The following STAB1 variants were observed in gnomAD, a reference collection of about 807,000 sequenced individuals.
The protein encoded by STAB1 is stabilin 1.
A neutral mutation model predicts 332.4 loss-of-function variants in STAB1; 250 were observed. The ratio of observed to expected loss-of-function variants is 0.75; its 90% CI spans 0.68 to 0.84. The LOEUF (loss-of-function observed/expected upper bound fraction) is 0.84. Among genes scored for constraint, STAB1 ranks in the 40% least tolerant of loss-of-function variants. The pLI, the probability that STAB1 is intolerant of heterozygous loss-of-function variation, is 0.00. For synonymous variants in STAB1, 1,475 were observed against 1,390.4 expected (o/e 1.06, Z -1.35); for missense variants, 3,249 against 3,489.7 (o/e 0.93, Z 1.74).
At chr3:52,516,805 T>C in intron 41 of STAB1, 37 bp downstream of exon 41, 1 of 1,597,418 alleles carries the variant, frequency 6.3e-7, no homozygotes, top group South Asian at 1.1e-5. Context: ...CTCCCTGAAA[T>C]TTTGGGGTGG....
rs370361655 is a variant in STAB1 at position 52,505,940 on chromosome 3, C to G, written c.1749+4C>G. The G allele has an allele frequency of 3.1e-6, 5 of 1,613,434 alleles. No individual in the cohort carries two copies. Among genetic ancestry groups the G allele is most frequent in the East Asian group, 2.2e-5 (1 of 44,898 alleles). On this transcript the variant is annotated splice_donor_region_variant and intron_variant, in intron 16 of 68. Coordinates refer to ENST00000321725, the MANE Select transcript of STAB1 (RefSeq NM_015136.3). ...CCACATCTACAACCACGGCCAGGTG[C>G]GAGGTCTTTTTCTGGGGGGCGGCCA...
At chr3:52,512,158 TG>T (rs1362049668) in intron 26 of STAB1, among the ~76,000 whole-genome samples, 182 bp from the exon 27 acceptor site, 1 of 152,228 alleles carries the variant, frequency 6.6e-6, no homozygotes, top group Non-Finnish European at 1.5e-5. Flanking sequence ...TTGTGTCAAA[TG>T]CCCAGTGTCC....
Position 52,523,930 on chromosome 3 carries a change from CGCTGGAGCACTGCTTG to C in STAB1, c.7459_7474del (p.Gly2487TrpfsTer108), listed in dbSNP as rs757518406. 2 of 1,610,068 alleles carry C rather than the reference CGCTGGAGCACTGCTTG, an allele frequency of 1.2e-6. No homozygotes were observed. The highest frequency in any genetic ancestry group is 1.7e-6 in the Non-Finnish European group (2 of 1,179,886). Reference sequence around the variant, plus strand: ...CGGCAGGCGTGGGGGCTGTGCTTGCCGCTGGAGCACTGCTTGGCTTGGTGGCCGGAGCTCTCTACCT... The same window carrying C: ...CGGCAGGCGTGGGGGCTGTGCTTGCCGCTTGGTGGCCGGAGCTCTCTACCT... On this transcript the variant is annotated frameshift_variant, in exon 67 of 69. Coordinates refer to ENST00000321725, the MANE Select transcript of STAB1 (RefSeq NM_015136.3). LOFTEE classifies it high-confidence loss of function.
Position 52,524,168 on chromosome 3 carries a change from C to A in STAB1, c.7611C>A (p.Val2537=), listed in dbSNP as rs764876108. The A allele has an allele frequency of 2.5e-6, 4 of 1,613,974 alleles. No individual in the cohort carries two copies. In the Admixed American group the frequency reaches 6.7e-5, roughly 27 times the overall value. The change falls in exon 68 of 69, where the codon GTC becomes GTA. Residue 2537 remains valine (V), a synonymous_variant. Coordinates refer to ENST00000321725, the MANE Select transcript of STAB1 (RefSeq NM_015136.3). The part of the protein sequence containing the change: ...QEGTNPTLVS[V]PNPVFGSDTF... ...GGACCAACCCCACCCTGGTCTCTGT[C>A]CCCAACCCTGTCTTTGGCAGCGACA...
At position 52,509,989 on chromosome 3, in the gene STAB1, G is replaced by A. The variant is rs1421355412; in HGVS notation, c.2467G>A (p.Gly823Arg). Residue 823 changes from glycine (G) to arginine (R), a missense_variant, in exon 23 of 69, where the codon GGG (glycine) becomes AGG (arginine). Coordinates refer to ENST00000321725, the MANE Select transcript of STAB1 (RefSeq NM_015136.3). ...RFCNESMGDC[G>R]PTGLAQHCHL... is the part of the protein sequence containing the mutation. ...CTGCAACGAGTCCATGGGGGACTGTGGGCCCACAGGGCTGGCCCAGCACTG... is the reference window on the plus strand; with the variant it reads ...CTGCAACGAGTCCATGGGGGACTGTAGGCCCACAGGGCTGGCCCAGCACTG... 1.2e-6 allele frequency: 2 copies of A among 1,609,794 alleles called. No homozygotes were observed. The highest frequency in any genetic ancestry group is 3.3e-5 in the Admixed American group (2 of 59,822).
intron 65 of STAB1, 21 bp downstream of exon 65, chr3:52,523,597 A>G (rs774340396): frequency 1.2e-6 from 2 of 1,612,528 alleles, no homozygotes; most frequent in Admixed American, 3.3e-5. Context: ...CCACTGTCCC[A>G]CCCTGTTGGC....
intron 3 of STAB1, 113 bp downstream of exon 3, chr3:52,501,866 T>A: frequency 1.5e-6 from 2 of 1,360,042 alleles, no homozygotes; most frequent in Non-Finnish European, 1.0e-6. Context: ...TAATTAATAC[T>A]CACCGAGCGC....
chr3:52,517,133 G>A (rs1229453768), intron 42 of STAB1, 24 bp downstream of exon 42: 4 of 1,521,804 alleles, frequency 2.6e-6, no homozygotes, highest in South Asian at 1.3e-5. Flanking sequence ...CCTAACCTGG[G>A]TTTATGTTGG....
At chr3:52,516,266 G>GGGGGCCCC in intron 38 of STAB1, 28 bp downstream of exon 38, 1 of 794,426 alleles carries the variant, frequency 1.3e-6, no homozygotes, top group Non-Finnish European at 2.2e-6. Context: ...GCGGGGGTGG[G>GGGGGCCCC]CCTCCTGGCA....
chr3:52,503,945 G>A (rs775660304), intron 9 of STAB1, 43 bp downstream of exon 9: 1 of 1,612,632 alleles, frequency 6.2e-7, no homozygotes, highest in Admixed American at 1.7e-5. Flanking sequence ...GGTTGGGCAA[G>A]CGTGCCCTCT....
At position 52,512,841 on chromosome 3, in the gene STAB1, C is replaced by T. The variant is rs200672562; in HGVS notation, c.3041C>T (p.Thr1014Met). The T allele has an allele frequency of 5.0e-6, 8 of 1,609,162 alleles. No individual in the cohort carries two copies. The South Asian group carries it at 5.5e-5, about 11-fold the overall frequency. ...FYQWLKSAGITLPADRRVTAL... is the reference protein window; with the variant it reads ...FYQWLKSAGIMLPADRRVTAL... ...GTGTGCGTGCAGAGTGCCGGCATCACGCTTCCTGCCGACCGCCGAGTCACA... is the reference window on the plus strand; with the variant it reads ...GTGTGCGTGCAGAGTGCCGGCATCATGCTTCCTGCCGACCGCCGAGTCACA... The change falls in exon 29 of 69, where the codon ACG becomes ATG. Residue 1014 changes from threonine (T) to methionine (M), a missense_variant. Thr to Met is a moderately conservative substitution (Grantham distance 81). Transcript: ENST00000321725.
In STAB1 at chr3:52,512,363, G is replaced by T. The variant is rs1351169205; in HGVS notation, c.2906G>T (p.Gly969Val). 1.2e-6 allele frequency: 2 copies of T among 1,612,908 alleles called. No individual in the cohort carries two copies. Among genetic ancestry groups the T allele is most frequent in the Admixed American group, 1.7e-5 (1 of 59,806 alleles). The change falls in exon 27 of 69, where the codon GGA becomes GTA. Residue 969 changes from glycine (G) to valine (V), a missense_variant. Transcript: ENST00000321725. ...CAGGCCACCTGCCGGGCAGTGGGGGGAGGTCAGCGGGTCTGCACGTGCCCC... is the reference window on the plus strand; with the variant it reads ...CAGGCCACCTGCCGGGCAGTGGGGGTAGGTCAGCGGGTCTGCACGTGCCCC... ...HGLATCRAVG[G>V]GQRVCTCPPG...
chr3:52,512,358 G>A lies in STAB1; in HGVS notation c.2901G>A (p.Val967=), dbSNP rs766038223. The change falls in exon 27 of 69, where the codon GTG becomes GTA. Residue 967 remains valine (V), a synonymous_variant. Coordinates refer to ENST00000321725, the MANE Select transcript of STAB1 (RefSeq NM_015136.3). ...CACCCCAGGCCACCTGCCGGGCAGT[G>A]GGGGGAGGTCAGCGGGTCTGCACGT... is the stretch of plus-strand genomic sequence containing the variant. ...GCHGLATCRA[V]GGGQRVCTCP... 7 of 1,612,454 alleles carry A rather than the reference G, an allele frequency of 4.3e-6. No homozygotes were observed. Among genetic ancestry groups the A allele is most frequent in the African/African-American group, 2.7e-5 (2 of 74,880 alleles).
At chr3:52,504,004 G>A (rs375412409) in intron 9 of STAB1, 24 bp from the exon 10 acceptor site, 5 of 1,609,044 alleles carry the variant, frequency 3.1e-6, no homozygotes, top group Non-Finnish European at 4.2e-6. Flanking sequence ...CCTCCGCCCT[G>A]ACTGGCTCTC....
intron 27 of STAB1, 24 bp from the exon 28 acceptor site, chr3:52,512,572 C>T (rs1575334363): frequency 1.9e-5 from 31 of 1,613,920 alleles, no homozygotes; most frequent in Non-Finnish European, 2.5e-5. Context: ...GGTCCTGTGA[C>T]CTCAGACTTT....
At chr3:52,503,227 G>A (rs1708583229) in intron 7 of STAB1, 117 bp from the exon 8 acceptor site, 1 of 1,493,350 alleles carries the variant, frequency 6.7e-7, no homozygotes, top group Non-Finnish European at 9.1e-7. Context: ...TTCCTAAGGG[G>A]AGCCTATCCT....
Position 52,522,699 on chromosome 3 carries a change from C to T in STAB1, c.6744+11C>T. On this transcript the variant is annotated intron_variant, in intron 61 of 68. Transcript: ENST00000321725. The stretch of plus-strand genomic sequence containing the variant: ...TCTGCTGCCCAGCAGGTGTGTGGGG[C>T]CCAGAAGTTGGGGCCAAGTGTTGGG... The T allele has an allele frequency of 1.2e-6, 2 of 1,612,790 alleles. No individual in the cohort carries two copies. The highest frequency in any genetic ancestry group is 8.5e-7 in the Non-Finnish European group (1 of 1,179,952).
In STAB1 at chr3:52,503,049, G is replaced by T. The variant is rs529062376; in HGVS notation, c.634G>T (p.Ala212Ser). The change falls in exon 7 of 69, where the codon GCA becomes TCA. Residue 212 changes from alanine to serine, a missense_variant. Coordinates refer to ENST00000321725, the MANE Select transcript of STAB1 (RefSeq NM_015136.3). ...LRCPQNTQCS[A>S]EAPSCRCLPG... ...CTGTCCCCAGAACACCCAGTGCTCC[G>T]CAGAGGCTCCCAGCTGCAGGTGCCT... is the stretch of plus-strand genomic sequence containing the variant. 3 of 1,603,760 alleles carry T rather than the reference G, an allele frequency of 1.9e-6. No individual in the cohort carries two copies. The highest frequency in any genetic ancestry group is 2.6e-6 in the Non-Finnish European group (3 of 1,176,324).
chr3:52,500,135 C>G (rs1009973491), intron 1 of STAB1, among the ~76,000 whole-genome samples: 1 of 152,142 alleles, frequency 6.6e-6, no homozygotes, highest in Non-Finnish European at 1.5e-5. Flanking sequence ...CCCAGGTTTA[C>G]GGAGCTCCTG....
Sources: allele counts gnomAD v4.1 joint callset (sites outside exome capture counted in the v4.1 genomes callset), GRCh38; gene constraint gnomAD v4.1.1; transcripts MANE v1.5; gene names NCBI Gene and HGNC (gene_info 2026-07-23, HGNC 2026-07-21).